PAPSS1: variants seen among roughly 807,000 people sequenced by gnomAD.
PAPSS1 encodes bifunctional 3'-phosphoadenosine 5'-phosphosulfate synthase 1.
PAPSS1 carries 50 observed loss-of-function variants against 72.0 expected under a neutral mutation model. That is an observed-to-expected ratio of 0.69 (90% confidence interval 0.55 to 0.88). The LOEUF (loss-of-function observed/expected upper bound fraction) is 0.88. Ranked by LOEUF, PAPSS1 falls within the 40% of genes least tolerant of loss-of-function variation. The probability of loss-of-function intolerance (pLI) is 0.00; values close to 1 mark genes in which losing one functional copy is unlikely to be tolerated. For missense variants in PAPSS1, 657 were observed against 782.2 expected (o/e 0.84, Z 1.91); for synonymous variants, 261 against 263.6 (o/e 0.99, Z 0.09).
chr4:107,703,641 C>T (rs1423744456), intron 1 of PAPSS1, among the ~76,000 whole-genome samples: 3 of 152,084 alleles, frequency 2.0e-5, no homozygotes, highest in African/African-American at 7.2e-5. Flanking sequence ...ATTATTGGCA[C>T]CTTTGTCAAA....
intron 2 of PAPSS1, among the ~76,000 whole-genome samples, chr4:107,695,475 C>A (rs188734750): frequency 2.1e-3 from 318 of 152,192 alleles, no homozygotes; most frequent in African/African-American, 7.3e-3. Flanking sequence ...ATTTGAACAC[C>A]CTTTATTTCT....
At chr4:107,719,297 C>A (rs1304044259) in intron 1 of PAPSS1, among the ~76,000 whole-genome samples, 2 of 151,796 alleles carry the variant, frequency 1.3e-5, no homozygotes, top group Admixed American at 6.6e-5. Flanking sequence ...AAACTTAAAC[C>A]AGTGCCTTTC....
intron 9 of PAPSS1, among the ~76,000 whole-genome samples, chr4:107,652,625 T>C (rs1726871305): frequency 6.6e-6 from 1 of 152,202 alleles, no homozygotes; most frequent in African/African-American, 2.4e-5. Flanking sequence ...TACTGGCATA[T>C]AAAGATCCAG....
At chr4:107,677,746 T>C (rs761994272) in intron 5 of PAPSS1, among the ~76,000 whole-genome samples, 57 of 152,338 alleles carry the variant, frequency 3.7e-4, no homozygotes, top group Middle Eastern at 3.4e-3. Context: ...CGTATGTTTA[T>C]TGTGGCACTA....
chr4:107,704,716 C>T (rs796964968), intron 1 of PAPSS1, among the ~76,000 whole-genome samples: 34 of 152,116 alleles, frequency 2.2e-4, no homozygotes, highest in African/African-American at 7.2e-4. Context: ...CTTCAGAGGC[C>T]GAGGCAGGCG....
At chr4:107,704,032 TCA>T (rs1484991922) in intron 1 of PAPSS1, among the ~76,000 whole-genome samples, 1 of 152,212 alleles carries the variant, frequency 6.6e-6, no homozygotes, top group African/African-American at 2.4e-5. Flanking sequence ...CATCAATGTT[TCA>T]CAGTTTTCAG....
At chr4:107,674,617 A>T (rs961335733) in intron 5 of PAPSS1, among the ~76,000 whole-genome samples, 1 of 147,634 alleles carries the variant, frequency 6.8e-6, no homozygotes, top group African/African-American at 2.5e-5. Context: ...AACATTAGAC[A>T]GATCCACGAG....
intron 1 of PAPSS1, among the ~76,000 whole-genome samples, chr4:107,709,314 CA>C (rs1420431276): frequency 6.6e-6 from 1 of 152,172 alleles, no homozygotes; most frequent in Non-Finnish European, 1.5e-5. Flanking sequence ...AAATTGTTAA[CA>C]GTGAAAAAGA....
At chr4:107,634,753 C>CA (rs1223217443) in intron 10 of PAPSS1, among the ~76,000 whole-genome samples, 3 of 145,018 alleles carry the variant, frequency 2.1e-5, no homozygotes, top group Non-Finnish European at 3.0e-5. Flanking sequence ...CTAAATTTTG[C>CA]AAAAAATATT....
At chr4:107,679,313 A>G (rs1334379830) in intron 5 of PAPSS1, among the ~76,000 whole-genome samples, 2 of 152,150 alleles carry the variant, frequency 1.3e-5, no homozygotes, top group Non-Finnish European at 2.9e-5. Flanking sequence ...TGAAGCAGGA[A>G]CACTAAGAAA....
intron 1 of PAPSS1, among the ~76,000 whole-genome samples, chr4:107,716,626 A>G (rs187436498): frequency 6.6e-6 from 1 of 152,162 alleles, no homozygotes. Context: ...CAACTAACAC[A>G]TCCCCAAGGG....
In PAPSS1 at chr4:107,683,443, A is replaced by G. The variant is rs529330151; in HGVS notation, c.551-1310T>C. 2.7e-3 allele frequency among the ~76,000 whole-genome samples: 404 copies of G among 152,304 alleles called. 3 individuals carry two copies. The highest frequency in any genetic ancestry group is 9.3e-3 in the African/African-American group (385 of 41,570). ...AATGCGGTGATATACTGGAATCACCAGGTCCCACCCCATGAGATTGATTTC... is the reference window on the plus strand; with the variant it reads ...AATGCGGTGATATACTGGAATCACCGGGTCCCACCCCATGAGATTGATTTC... On this transcript the variant is annotated intron_variant, in intron 4 of 11. Coordinates refer to ENST00000265174, the MANE Select transcript of PAPSS1 (RefSeq NM_005443.5).
intron 9 of PAPSS1, among the ~76,000 whole-genome samples, chr4:107,645,784 G>A (rs114036068): frequency 0.026 from 3,895 of 152,216 alleles, 75 homozygotes; most frequent in Middle Eastern, 0.048. Context: ...GTATTTTGCC[G>A]CCCTCACAAT....
chr4:107,644,455 G>C (rs1726639339), intron 10 of PAPSS1, among the ~76,000 whole-genome samples: 2 of 152,152 alleles, frequency 1.3e-5, no homozygotes, highest in Admixed American at 1.3e-4. Context: ...CTGGTAACGG[G>C]ACAAGATCAG....
At chr4:107,649,231 A>G (rs1243617472) in intron 9 of PAPSS1, among the ~76,000 whole-genome samples, 1 of 152,188 alleles carries the variant, frequency 6.6e-6, no homozygotes, top group Non-Finnish European at 1.5e-5. Flanking sequence ...ATGGACGGAG[A>G]AAAGTTTTCG....
chr4:107,621,077 A>G, intron 11 of PAPSS1, among the ~76,000 whole-genome samples: 1 of 152,176 alleles, frequency 6.6e-6, no homozygotes, highest in East Asian at 1.9e-4. Context: ...TGTGTTTTTA[A>G]GAGGAGTGGG....
At chr4:107,638,085 T>C (rs1235215398) in intron 10 of PAPSS1, among the ~76,000 whole-genome samples, 1 of 152,222 alleles carries the variant, frequency 6.6e-6, no homozygotes, top group Non-Finnish European at 1.5e-5. Flanking sequence ...AGATTCCTGA[T>C]ACTGTGGCTT....
At chr4:107,688,174 C>T (rs769834253) in intron 3 of PAPSS1, among the ~76,000 whole-genome samples, 2 of 152,186 alleles carry the variant, frequency 1.3e-5, no homozygotes, top group Non-Finnish European at 2.9e-5. Context: ...CTCTACTCCA[C>T]CTGAAATCTT....
chr4:107,631,929 A>G lies in PAPSS1; in HGVS notation c.1507-69T>C, dbSNP rs1479337090. 6 of 892,812 alleles carry G rather than the reference A, an allele frequency of 6.7e-6. No homozygotes were observed. In the Admixed American group the frequency reaches 1.6e-4, roughly 24 times the overall value. 55.3% of individuals were successfully genotyped at this position (892,812 alleles called of 1,614,324 possible). ...ATGTACTTAGAAATAGTAAGTGGAT[A>G]ATAAATGCATATGCTTTTTATAAAA... On this transcript the variant is annotated intron_variant, in intron 10 of 11. Transcript: ENST00000265174.
Sources: gnomAD v4.1 joint callset for allele counts (sites outside exome capture counted in the v4.1 genomes callset) on GRCh38, gnomAD v4.1.1 for gene constraint, MANE v1.5 for transcripts, NCBI Gene and HGNC (gene_info 2026-07-23, HGNC 2026-07-21) for gene names.